Variants in CLSTN2 observed in about 807,000 individuals in gnomAD.
CLSTN2 encodes the protein calsyntenin 2, also known as calsyntenin-2.
Under a neutral mutation model 101.2 loss-of-function variants are expected in CLSTN2, and 48 were observed. That is an observed-to-expected ratio of 0.47 (90% CI 0.38 to 0.60). The LOEUF is 0.60. Among genes scored for constraint, CLSTN2 ranks in the 20% least tolerant of loss-of-function variants. CLSTN2 has a pLI of 0.00. For missense variants in CLSTN2, 1,160 were observed against 1,238.2 expected (o/e 0.94, Z 0.95); for synonymous variants, 481 against 463.6 (o/e 1.04, Z -0.48).
intron 8 of CLSTN2, among the ~76,000 whole-genome samples, chr3:140,511,922 G>GAAGAA (rs1436611810): frequency 6.6e-6 from 1 of 151,448 alleles, no homozygotes; most frequent in Non-Finnish European, 1.5e-5. Context: ...TATGTTTGTT[G>GAAGAA]GCCACAAGTA....
chr3:140,562,319 A>G lies in CLSTN2; in HGVS notation c.2212+11A>G. The G allele has an allele frequency of 6.2e-7, 1 of 1,608,566 alleles. No individual in the cohort carries two copies. Among genetic ancestry groups the G allele is most frequent in the Non-Finnish European group, 8.5e-7 (1 of 1,177,970 alleles). On this transcript the variant is annotated intron_variant, in intron 13 of 16. Coordinates refer to ENST00000458420, the MANE Select transcript of CLSTN2 (RefSeq NM_022131.3). Reference sequence around the variant, plus strand: ...GCTACTCCATCTACGGTAAGGCCACACTCAGCCCCCTTTGCCCCAAGGGTG... The same window carrying G: ...GCTACTCCATCTACGGTAAGGCCACGCTCAGCCCCCTTTGCCCCAAGGGTG...
At chr3:140,123,956 C>A (rs959845241) in intron 1 of CLSTN2, among the ~76,000 whole-genome samples, 2 of 152,056 alleles carry the variant, frequency 1.3e-5, no homozygotes, top group Admixed American at 1.3e-4. Flanking sequence ...AAAGCCCTAT[C>A]TACAAAAACA....
chr3:139,990,211 T>A (rs1043919366), intron 1 of CLSTN2, among the ~76,000 whole-genome samples: 1 of 152,176 alleles, frequency 6.6e-6, no homozygotes, highest in African/African-American at 2.4e-5. Flanking sequence ...ACATTACTAG[T>A]CCTGAAAATT....
chr3:140,409,285 C>G (rs920926497), intron 4 of CLSTN2, among the ~76,000 whole-genome samples: 5 of 152,250 alleles, frequency 3.3e-5, no homozygotes, highest in African/African-American at 1.2e-4. Context: ...CCTGACTCCC[C>G]CTGCTGCCTG....
At chr3:140,314,138 T>C (rs1270150344) in intron 2 of CLSTN2, among the ~76,000 whole-genome samples, 1 of 152,172 alleles carries the variant, frequency 6.6e-6, no homozygotes, top group Non-Finnish European at 1.5e-5. Context: ...ATCCCATAGG[T>C]GTTTTCTTCT....
intron 1 of CLSTN2, among the ~76,000 whole-genome samples, chr3:140,140,941 AG>A (rs1451304600): frequency 2.0e-5 from 3 of 152,194 alleles, no homozygotes; most frequent in Admixed American, 2.0e-4. Flanking sequence ...GGCCTCCGTC[AG>A]GGAAGACAAA....
intron 2 of CLSTN2, among the ~76,000 whole-genome samples, chr3:140,344,098 C>A (rs1252057742): frequency 6.6e-6 from 1 of 152,186 alleles, no homozygotes; most frequent in Non-Finnish European, 1.5e-5. Flanking sequence ...CCTCACCTTA[C>A]CTGCTATAGT....
At chr3:140,100,569 G>GT (rs1473123138) in intron 1 of CLSTN2, among the ~76,000 whole-genome samples, 4 of 152,222 alleles carry the variant, frequency 2.6e-5, no homozygotes, top group African/African-American at 9.6e-5. Flanking sequence ...ATAGAAAAAT[G>GT]TAAGTTTGCA....
intron 16 of CLSTN2, 25 bp from the exon 17 acceptor site, chr3:140,566,028 T>A (rs1187924800): frequency 6.2e-7 from 1 of 1,613,814 alleles, no homozygotes; most frequent in South Asian, 1.1e-5. Context: ...CTGATGAGCA[T>A]TTGCTTTTTC....
At chr3:140,428,069 T>C (rs2107996054) in intron 5 of CLSTN2, among the ~76,000 whole-genome samples, 1 of 152,322 alleles carries the variant, frequency 6.6e-6, no homozygotes, top group South Asian at 2.1e-4. Flanking sequence ...AGATTGAGCT[T>C]AGCCACATGT....
intron 1 of CLSTN2, among the ~76,000 whole-genome samples, chr3:140,109,979 T>C (rs973707082): frequency 6.6e-6 from 1 of 152,136 alleles, no homozygotes; most frequent in Non-Finnish European, 1.5e-5. Context: ...CACTCTGCCA[T>C]GTGCCAGCCC....
chr3:140,408,458 C>A (rs1423720970), intron 4 of CLSTN2, among the ~76,000 whole-genome samples: 2 of 152,174 alleles, frequency 1.3e-5, no homozygotes. Flanking sequence ...GTCTTCTACC[C>A]TCAGGATCTC....
chr3:140,023,498 C>G (rs1199117667), intron 1 of CLSTN2, among the ~76,000 whole-genome samples: 1 of 152,158 alleles, frequency 6.6e-6, no homozygotes, highest in African/African-American at 2.4e-5. Context: ...ATGGGAACCT[C>G]TGAAACACAG....
At chr3:140,036,939 T>C (rs2007665473) in intron 1 of CLSTN2, among the ~76,000 whole-genome samples, 1 of 149,946 alleles carries the variant, frequency 6.7e-6, no homozygotes, top group Non-Finnish European at 1.5e-5. Context: ...TGCTATTAAG[T>C]ATAAAAGAAA....
intron 2 of CLSTN2, among the ~76,000 whole-genome samples, chr3:140,235,035 T>C (rs1576477667): frequency 1.3e-5 from 2 of 152,208 alleles, no homozygotes; most frequent in East Asian, 3.9e-4. Flanking sequence ...GGTGTTTATT[T>C]AGCTGTGTCA....
chr3:140,051,526 C>G (rs2007992590), intron 1 of CLSTN2, among the ~76,000 whole-genome samples: 1 of 152,132 alleles, frequency 6.6e-6, no homozygotes, highest in African/African-American at 2.4e-5. Context: ...TAGGGAGGAG[C>G]AATAGTGCCG....
intron 2 of CLSTN2, among the ~76,000 whole-genome samples, chr3:140,359,274 G>A (rs2107948476): frequency 6.6e-6 from 1 of 152,296 alleles, no homozygotes; most frequent in South Asian, 2.1e-4. Flanking sequence ...GTGGGCGAGT[G>A]AGTGAGTGAA....
At chr3:139,986,334 A>G (rs1175576966) in intron 1 of CLSTN2, among the ~76,000 whole-genome samples, 1 of 152,128 alleles carries the variant, frequency 6.6e-6, no homozygotes, top group Non-Finnish European at 1.5e-5. Context: ...CTGAGGCACT[A>G]GATATTAGGC....
chr3:139,992,149 T>C (rs1245903175), intron 1 of CLSTN2, among the ~76,000 whole-genome samples: 1 of 152,186 alleles, frequency 6.6e-6, no homozygotes, highest in East Asian at 1.9e-4. Context: ...AAGGTATCCT[T>C]GTACAAGACT....
Sources: allele counts gnomAD v4.1 joint callset (sites outside exome capture counted in the v4.1 genomes callset), GRCh38; gene constraint gnomAD v4.1.1; transcripts MANE v1.5; gene names NCBI Gene and HGNC (gene_info 2026-07-23, HGNC 2026-07-21).